Variants in ATXN8OS observed in about 807,000 individuals in gnomAD.
The protein encoded by ATXN8OS is ATXN8 opposite strand lncRNA, also known as ATXN8 opposite strand (non-protein coding).
At chr13:70,120,816 C>T (rs112933371) in intron 2 of ATXN8OS, among the ~76,000 whole-genome samples, 10 of 150,736 alleles carry the variant, frequency 6.6e-5, no homozygotes, top group African/African-American at 2.0e-4. Flanking sequence ...CAAACTATCA[C>T]AAGGACAAAA....
chr13:70,111,996 A>C (rs1298484197), intron 1 of ATXN8OS, among the ~76,000 whole-genome samples: 1 of 152,208 alleles, frequency 6.6e-6, no homozygotes, highest in African/African-American at 2.4e-5. Context: ...AAATAAGTTT[A>C]ATCAGCTCAC....
intron 3 of ATXN8OS, among the ~76,000 whole-genome samples, chr13:70,137,655 T>C (rs1418979566): frequency 6.6e-6 from 1 of 152,172 alleles, no homozygotes; most frequent in Non-Finnish European, 1.5e-5. Context: ...TCAGCAATGA[T>C]ACTGTTTTTC....
chr13:70,159,506 T>G (rs1888977700), intron 4 of ATXN8OS, among the ~76,000 whole-genome samples: 1 of 152,170 alleles, frequency 6.6e-6, no homozygotes, highest in African/African-American at 2.4e-5. Context: ...TTGAATTTTT[T>G]TATTCCTAGT....
At chr13:70,150,807 G>A (rs756472407) in intron 4 of ATXN8OS, among the ~76,000 whole-genome samples, 2 of 152,048 alleles carry the variant, frequency 1.3e-5, no homozygotes, top group African/African-American at 2.4e-5. Flanking sequence ...TCACCTGGGT[G>A]CAAAGCCATG....
chr13:70,129,815 C>T, exon 3 of ATXN8OS: 2 of 398,384 alleles, frequency 5.0e-6, no homozygotes, highest in Non-Finnish European at 8.8e-6. Flanking sequence ...TGACAAAAAT[C>T]CTAGAAGGAT....
At chr13:70,155,772 A>ATTTT (rs34936703) in intron 4 of ATXN8OS, among the ~76,000 whole-genome samples, 94 of 143,366 alleles carry the variant, frequency 6.6e-4, no homozygotes, top group Admixed American at 3.5e-3. Flanking sequence ...ACAATATTCC[A>ATTTT]TTTTTTTTTT....
intron 3 of ATXN8OS, among the ~76,000 whole-genome samples, chr13:70,147,104 A>T (rs1027660380): frequency 4.6e-5 from 7 of 152,190 alleles, no homozygotes; most frequent in Non-Finnish European, 5.9e-5. Context: ...GGATTCCAAA[A>T]GAGTGAAAAT....
intron 4 of ATXN8OS, among the ~76,000 whole-genome samples, chr13:70,153,347 G>A (rs1888895993): frequency 6.6e-6 from 1 of 152,086 alleles, no homozygotes; most frequent in South Asian, 2.1e-4. Flanking sequence ...GGCTGAGGCA[G>A]GCAGATCATA....
chr13:70,136,608 G>A (rs937624644), intron 3 of ATXN8OS, among the ~76,000 whole-genome samples: 2 of 151,958 alleles, frequency 1.3e-5, no homozygotes, highest in African/African-American at 2.4e-5. Context: ...CATCAAGACC[G>A]CTAGCAGGAG....
chr13:70,120,807 A>G (rs550575656), intron 2 of ATXN8OS, among the ~76,000 whole-genome samples: 2 of 152,060 alleles, frequency 1.3e-5, no homozygotes, highest in Non-Finnish European at 2.9e-5. Flanking sequence ...CATTCTCAGC[A>G]AACTATCACA....
chr13:70,153,344 G>A (rs1294932940), intron 4 of ATXN8OS, among the ~76,000 whole-genome samples: 3 of 152,190 alleles, frequency 2.0e-5, no homozygotes, highest in Admixed American at 1.3e-4. Context: ...GGAGGCTGAG[G>A]CAGGCAGATC....
At chr13:70,120,982 T>G (rs1336083535) in intron 2 of ATXN8OS, among the ~76,000 whole-genome samples, 1 of 151,866 alleles carries the variant, frequency 6.6e-6, no homozygotes, top group Non-Finnish European at 1.5e-5. Flanking sequence ...AATGACAAGT[T>G]TCTGGGTGCA....
intron 4 of ATXN8OS, among the ~76,000 whole-genome samples, chr13:70,150,201 T>C (rs1888843484): frequency 6.6e-6 from 1 of 152,050 alleles, no homozygotes; most frequent in Non-Finnish European, 1.5e-5. Flanking sequence ...ACTCCTCCTA[T>C]TCATGAGTGA....
chr13:70,149,199 G>A (rs755486824), intron 4 of ATXN8OS, among the ~76,000 whole-genome samples: 14 of 152,004 alleles, frequency 9.2e-5, no homozygotes, highest in East Asian at 1.9e-4. Context: ...ATTGAAGAAC[G>A]AGAACGACTC....
At chr13:70,168,653 T>C (rs1889107807) in intron 4 of ATXN8OS, among the ~76,000 whole-genome samples, 1 of 151,976 alleles carries the variant, frequency 6.6e-6, no homozygotes, top group African/African-American at 2.4e-5. Context: ...GTCTTTCTGT[T>C]TCTGGCTTAT....
chr13:70,155,249 T>C (rs1009613181), intron 4 of ATXN8OS, among the ~76,000 whole-genome samples: 4 of 152,204 alleles, frequency 2.6e-5, no homozygotes, highest in Non-Finnish European at 5.9e-5. Flanking sequence ...ATGTTCCTTG[T>C]GGTGGAAGTT....
chr13:70,152,734 G>T (rs1888887009), intron 4 of ATXN8OS, among the ~76,000 whole-genome samples: 3 of 151,884 alleles, frequency 2.0e-5, no homozygotes, highest in South Asian at 2.1e-4. Flanking sequence ...AATATTCTGG[G>T]TTTCATCTCC....
intron 3 of ATXN8OS, among the ~76,000 whole-genome samples, chr13:70,130,152 T>G (rs1888510686): frequency 6.6e-6 from 1 of 152,168 alleles, no homozygotes; most frequent in African/African-American, 2.4e-5. Context: ...CCATTCTTAG[T>G]AAGAGGAAAG....
At chr13:70,118,962 A>C (rs180679052) in intron 2 of ATXN8OS, among the ~76,000 whole-genome samples, 1 of 152,128 alleles carries the variant, frequency 6.6e-6, no homozygotes, top group Admixed American at 6.6e-5. Flanking sequence ...TCTGGCACTC[A>C]AAAATATGTC....
Sources: allele counts gnomAD v4.1 joint callset (sites outside exome capture counted in the v4.1 genomes callset), GRCh38; gene constraint gnomAD v4.1.1; transcripts MANE v1.5; gene names NCBI Gene and HGNC (gene_info 2026-07-23, HGNC 2026-07-21).